Variants in DUSP4 observed in about 807,000 individuals in gnomAD.
The protein encoded by DUSP4 is dual specificity protein phosphatase 4.
Under a neutral mutation model 27.2 loss-of-function variants are expected in DUSP4, and 12 were observed. That is an observed-to-expected ratio of 0.44 (90% CI 0.28 to 0.71). The LOEUF (loss-of-function observed/expected upper bound fraction) is 0.71, where lower values mean the gene tolerates loss of function less well. DUSP4 is among the 30% of genes least tolerant of loss of function. The probability of loss-of-function intolerance (pLI) is 0.14; values close to 1 mark genes in which losing one functional copy is unlikely to be tolerated. For synonymous variants in DUSP4, 257 were observed against 245.2 expected (o/e 1.05, Z -0.45); for missense variants, 448 against 551.3 (o/e 0.81, Z 1.88).
chr8:29,345,523 T>C (rs753878336), intron 1 of DUSP4: 2 of 1,573,270 alleles, frequency 1.3e-6, no homozygotes, highest in East Asian at 4.8e-5. Flanking sequence ...TGAACTTTTC[T>C]TCCCATCGTG....
chr8:29,342,903 C>G (rs988927685), intron 1 of DUSP4, among the ~76,000 whole-genome samples: 2 of 152,196 alleles, frequency 1.3e-5, no homozygotes, highest in Non-Finnish European at 2.9e-5. Flanking sequence ...CGCGGTGGCT[C>G]ACGCCTGTAA....
intron 1 of DUSP4, among the ~76,000 whole-genome samples, chr8:29,349,407 C>T (rs1242330459): frequency 6.6e-6 from 1 of 152,234 alleles, no homozygotes; most frequent in Non-Finnish European, 1.5e-5. Context: ...GCCCACCCCT[C>T]TTCACCTTTT....
intron 1 of DUSP4, chr8:29,348,874 A>T (rs896961912): frequency 1.0e-5 from 9 of 859,562 alleles, no homozygotes; most frequent in African/African-American, 7.2e-5. Context: ...CGGGAGGCGG[A>T]GGCGCAGCGC....
Position 29,350,370 on chromosome 8 carries a change from A to G in DUSP4, c.-92T>C. On this transcript the variant is annotated 5_prime_UTR_variant, in exon 1 of 4. Coordinates refer to ENST00000240100, the MANE Select transcript of DUSP4 (RefSeq NM_001394.7). ...AGAAAGGGGCGGGCGAGAGCTAAGAAGGGACGCCTGCAGAAGTGGCCGCAA... is the reference window on the plus strand; with the variant it reads ...AGAAAGGGGCGGGCGAGAGCTAAGAGGGGACGCCTGCAGAAGTGGCCGCAA... 7.0e-7 allele frequency: 1 copy of G among 1,432,428 alleles called. No individual in the cohort carries two copies. Among genetic ancestry groups the G allele is most frequent in the Non-Finnish European group, 9.2e-7 (1 of 1,087,720 alleles). The allele number at this position is 1,432,428 out of a possible 1,614,324, so 88.7% of individuals were successfully genotyped here.
chr8:29,334,907 T>C lies in DUSP4; in HGVS notation c.*2119A>G, dbSNP rs1817547228. ...TCTGGCCTCACCCACAGGCGGAGCT[T>C]GGTGAAGTCAGGATGAATGATGCCG... On this transcript the variant is annotated 3_prime_UTR_variant, in exon 4 of 4. Coordinates refer to ENST00000240100, the MANE Select transcript of DUSP4 (RefSeq NM_001394.7). 1 of 152,180 alleles carries C rather than the reference T, an allele frequency of 6.6e-6. No individual in the cohort carries two copies. The highest frequency in any genetic ancestry group is 2.4e-5 in the African/African-American group (1 of 41,438). 9.4% of individuals were successfully genotyped at this position (152,180 alleles called of 1,614,324 possible).
chr8:29,340,516 G>A (rs886637812), intron 1 of DUSP4, among the ~76,000 whole-genome samples: 2 of 152,222 alleles, frequency 1.3e-5, no homozygotes, highest in African/African-American at 4.8e-5. Context: ...AAAGGAAGAC[G>A]TGCAGGGGGA....
chr8:29,336,561 C>G lies in DUSP4; in HGVS notation c.*465G>C, dbSNP rs1817575616. The stretch of plus-strand genomic sequence containing the variant: ...AGATTTCTTTTAAAAAATGAAATTC[C>G]TTTAACTACAACAACGACAACAAAG... On this transcript the variant is annotated 3_prime_UTR_variant, in exon 4 of 4. Coordinates refer to ENST00000240100, the MANE Select transcript of DUSP4 (RefSeq NM_001394.7). The G allele has an allele frequency of 6.5e-6, 1 of 154,392 alleles. No homozygotes were observed. Among genetic ancestry groups the G allele is most frequent in the African/African-American group, 2.4e-5 (1 of 41,472 alleles). 9.6% of individuals were successfully genotyped at this position (154,392 alleles called of 1,614,324 possible).
chr8:29,350,042 G>A lies in DUSP4; in HGVS notation c.237C>T (p.Gly79=), dbSNP rs1817799169. ...GCAGGATCTGCTCCAGGCTCACGGA[G>A]CCCTTAGCCCGCCGCCGCACGATGG... ...CNTIVRRRAK[G]SVSLEQILPA... is the part of the protein sequence containing the mutation. Residue 79 remains glycine, a synonymous_variant, in exon 1 of 4, where the codon GGC becomes GGT. Coordinates refer to ENST00000240100, the MANE Select transcript of DUSP4 (RefSeq NM_001394.7). The A allele has an allele frequency of 6.3e-7, 1 of 1,595,476 alleles. No individual in the cohort carries two copies. Among genetic ancestry groups the A allele is most frequent in the Non-Finnish European group, 8.5e-7 (1 of 1,172,780 alleles).
intron 1 of DUSP4, among the ~76,000 whole-genome samples, chr8:29,346,612 T>G (rs1182335567): frequency 6.6e-6 from 1 of 152,198 alleles, no homozygotes. Flanking sequence ...GATTTTAAAT[T>G]AAATGAGTTT....
Position 29,337,119 on chromosome 8 carries a change from G to A in DUSP4, c.1092C>T (p.Phe364=), listed in dbSNP as rs368211989. 217 of 1,610,778 alleles carry A rather than the reference G, an allele frequency of 1.3e-4. 2 individuals carry two copies. The Middle Eastern group carries it at 2.5e-3, about 18-fold the overall frequency. The part of the protein sequence containing the change: ...GKTPATPTSQ[F]VFSFPVSVGV... ...CCACGGAGACCGGAAAGCTGAAGACGAACTGCGAGGTGGGGGTGGCGGGGG... is the reference window on the plus strand; with the variant it reads ...CCACGGAGACCGGAAAGCTGAAGACAAACTGCGAGGTGGGGGTGGCGGGGG... The change falls in exon 4 of 4, where the codon TTC becomes TTT. Residue 364 remains phenylalanine (F), a synonymous_variant. Coordinates refer to ENST00000240100, the MANE Select transcript of DUSP4 (RefSeq NM_001394.7). The surrounding 1 kb of genome is among the most constrained non-coding windows in gnomAD (Gnocchi z 6.4).
chr8:29,342,328 T>C (rs1817667008), intron 1 of DUSP4, among the ~76,000 whole-genome samples: 1 of 152,094 alleles, frequency 6.6e-6, no homozygotes, highest in African/African-American at 2.4e-5. Context: ...TCTCGGAGCC[T>C]CCTCCTCGTC....
rs768319639 is a variant in DUSP4 at position 29,337,434 on chromosome 8, T to G, written c.800-23A>C. ...CATCTGGGGACAGGGTTCAATAGGT[T>G]AGTGCACGTTTCTGCAGACCCCAGC... On this transcript the variant is annotated intron_variant, in intron 3 of 3. Coordinates refer to ENST00000240100, the MANE Select transcript of DUSP4 (RefSeq NM_001394.7). This position sits in a 1 kb window ranked among gnomAD's most constrained non-coding sequence, Gnocchi z 6.4. 1.3e-6 allele frequency: 2 copies of G among 1,575,116 alleles called. No individual in the cohort carries two copies. The highest frequency in any genetic ancestry group is 8.6e-7 in the Non-Finnish European group (1 of 1,164,040).
intron 1 of DUSP4, chr8:29,348,154 T>C: frequency 2.0e-6 from 2 of 985,570 alleles, no homozygotes; most frequent in Non-Finnish European, 2.4e-6. Flanking sequence ...GTCCCGGGTT[T>C]GGACGCCAGC....
At chr8:29,344,887 C>T (rs1817705878) in intron 1 of DUSP4, among the ~76,000 whole-genome samples, 1 of 151,478 alleles carries the variant, frequency 6.6e-6, no homozygotes, top group Non-Finnish European at 1.5e-5. Flanking sequence ...CTCACCCAGG[C>T]TGCAGTGCAG....
chr8:29,334,803 C>T lies in DUSP4; in HGVS notation c.*2223G>A, dbSNP rs925303267. 4 of 152,184 alleles carry T rather than the reference C, an allele frequency of 2.6e-5. No homozygotes were observed. Among genetic ancestry groups the T allele is most frequent in the Non-Finnish European group, 5.9e-5 (4 of 68,034 alleles). The allele number at this position is 152,184 out of a possible 1,614,324, so 9.4% of individuals were successfully genotyped here. ...GGTTCCATTGTCTGGGAACTGAAAC[C>T]CTCCATGCTTCACCCTGAACTGTTA... is the stretch of plus-strand genomic sequence containing the variant. On this transcript the variant is annotated 3_prime_UTR_variant, in exon 4 of 4. Transcript: ENST00000240100.
rs753644768 is a variant in DUSP4 at position 29,350,092 on chromosome 8, C to G, written c.187G>C (p.Gly63Arg). 2.5e-6 allele frequency: 4 copies of G among 1,608,240 alleles called. No homozygotes were observed. The African/African-American group carries it at 5.3e-5, about 21-fold the overall frequency. Residue 63 changes from glycine (G) to arginine (R), a missense_variant, in exon 1 of 4, where the codon GGT becomes CGT. Physicochemically the swap from Gly to Arg is moderately radical, Grantham distance 125. Around this residue, in one of 3 missense-constraint regions of DUSP4, gnomAD observed 345 missense variants for 394.0 expected, o/e 0.88. Transcript: ENST00000240100. ...GTGTTACAGCGCACGTTGACCGAAC[C>G]TAGGATGTAGCCCGCGCTGTGCGCC... Reference protein sequence around the residue: ...FLAHSAGYILGSVNVRCNTIV... With the variant: ...FLAHSAGYILRSVNVRCNTIV...
rs144675383 is a variant in DUSP4, at chr8:29,337,312, C to T, written c.899G>A (p.Arg300Gln). Reference protein sequence around the residue: ...ICLAYLMMKKRVRLEEAFEFV... With the variant: ...ICLAYLMMKKQVRLEEAFEFV... Reference sequence around the variant, plus strand: ...CTCGAAGGCCTCCTCCAGCCTCACCCGTTTCTTCATCATCAGGTAGGCCAG... The same window carrying T: ...CTCGAAGGCCTCCTCCAGCCTCACCTGTTTCTTCATCATCAGGTAGGCCAG... Residue 300 changes from arginine to glutamine, a missense_variant, in exon 4 of 4, where the codon CGG (arginine) becomes CAG (glutamine). Arg to Gln is a conservative substitution (Grantham distance 43). Coordinates refer to ENST00000240100, the MANE Select transcript of DUSP4 (RefSeq NM_001394.7). The surrounding 1 kb of genome is among the most constrained non-coding windows in gnomAD (Gnocchi z 6.4). 17 of 1,613,030 alleles carry T rather than the reference C, an allele frequency of 1.1e-5. No individual in the cohort carries two copies. Among genetic ancestry groups the T allele is most frequent in the Admixed American group, 1.7e-5 (1 of 60,034 alleles).
rs1817562309 is a variant in DUSP4, at chr8:29,335,746, G to A, written c.*1280C>T. On this transcript the variant is annotated 3_prime_UTR_variant, in exon 4 of 4. Coordinates refer to ENST00000240100, the MANE Select transcript of DUSP4 (RefSeq NM_001394.7). ...TCCCCAATGGCTGGCCTTGCCAAAT[G>A]ATTTGCTGTAGGAAAATTTGAACTG... 1 of 152,230 alleles carries A rather than the reference G, an allele frequency of 6.6e-6. No homozygotes were observed. 9.4% of individuals were successfully genotyped at this position (152,230 alleles called of 1,614,324 possible).
At chr8:29,341,343 T>C (rs1817653250) in intron 1 of DUSP4, among the ~76,000 whole-genome samples, 3 of 152,138 alleles carry the variant, frequency 2.0e-5, no homozygotes, top group Non-Finnish European at 2.9e-5. Flanking sequence ...CCTAGGGCCA[T>C]TGATAGAAAT....
Sources: gnomAD v4.1 joint callset for allele counts (sites outside exome capture counted in the v4.1 genomes callset) on GRCh38, gnomAD v4.1.1 for gene constraint, gnomAD v4.1.1 regional missense constraint, Gnocchi (gnomAD v3.1) non-coding constraint, MANE v1.5 for transcripts, NCBI Gene and HGNC (gene_info 2026-07-23, HGNC 2026-07-21) for gene names.